The following HMGXB3 variants were observed in gnomAD, a reference collection of about 807,000 sequenced individuals.
HMGXB3 encodes the protein HMG domain-containing protein 3.
A neutral mutation model predicts 121.5 loss-of-function variants in HMGXB3; 45 were observed. The ratio of observed to expected loss-of-function variants is 0.37; its 90% confidence interval spans 0.29 to 0.47. The LOEUF is 0.47. Ranked by LOEUF, HMGXB3 falls within the 20% of genes least tolerant of loss-of-function variation. The pLI, the probability that HMGXB3 is intolerant of heterozygous loss-of-function variation, is 0.99. For missense variants in HMGXB3, 1,376 were observed against 1,602.2 expected (o/e 0.86, Z 2.41); for synonymous variants, 590 against 624.1 (o/e 0.95, Z 0.81).
At chr5:150,047,586 C>A (rs768706745) in intron 16 of HMGXB3, 38 bp from the exon 17 acceptor site, 23 of 1,549,808 alleles carry the variant, frequency 1.5e-5, no homozygotes, top group South Asian at 7.2e-5. Flanking sequence ...TGGTGACTGG[C>A]GGCAGCACCC....
chr5:150,028,497 A>G lies in HMGXB3; in HGVS notation c.1734+1380A>G, dbSNP rs1395403341. On this transcript the variant is annotated intron_variant, in intron 9 of 19. Coordinates refer to ENST00000502717, the MANE Select transcript of HMGXB3 (RefSeq NM_014983.3). ...GTGTTTGATATATATATGTATATAT[A>G]TGTATGTATGTGTGTGTGTGTGTGT... is the stretch of plus-strand genomic sequence containing the variant. Among the ~76,000 whole-genome samples, 30 of 66,456 alleles carry G rather than the reference A, an allele frequency of 4.5e-4. 1 individual carries two copies. Among genetic ancestry groups the G allele is most frequent in the Non-Finnish European group, 5.7e-4 (23 of 40,628 alleles). 43.6% of individuals were successfully genotyped at this position (66,456 alleles called of 152,430 possible).
At chr5:150,043,657 A>C (rs1295409084) in intron 15 of HMGXB3, among the ~76,000 whole-genome samples, 1 of 152,246 alleles carries the variant, frequency 6.6e-6, no homozygotes. Flanking sequence ...TGTTAATAAT[A>C]ATGCAGCTAA....
At chr5:150,037,039 C>T in intron 12 of HMGXB3, 102 bp downstream of exon 12, 1 of 1,073,988 alleles carries the variant, frequency 9.3e-7, no homozygotes. Flanking sequence ...AGATGTTATT[C>T]TCTGCCGTTT....
intron 9 of HMGXB3, among the ~76,000 whole-genome samples, chr5:150,028,853 C>G (rs1485394495): frequency 6.6e-6 from 1 of 151,956 alleles, no homozygotes; most frequent in East Asian, 1.9e-4. Flanking sequence ...GGATTACAGG[C>G]ATTAGCCACC....
chr5:150,018,584 C>T lies in HMGXB3; in HGVS notation c.928C>T (p.Arg310Trp), dbSNP rs1173522146. 4.5e-6 allele frequency: 7 copies of T among 1,548,876 alleles called. No individual in the cohort carries two copies. Among genetic ancestry groups the T allele is most frequent in the Non-Finnish European group, 6.1e-6 (7 of 1,145,806 alleles). Residue 310 changes from arginine to tryptophan, a missense_variant, in exon 6 of 20, where the codon CGG becomes TGG. Transcript: ENST00000502717. ...TTTACAGACCACTACATATACCCGC[C>T]GGGGCCATGGGACATGCACCAGCCC... is the stretch of plus-strand genomic sequence containing the variant. ...SIKLTTTYTR[R>W]GHGTCTSPGC... is the part of the protein sequence containing the mutation.
intron 17 of HMGXB3, 101 bp downstream of exon 17, chr5:150,047,858 T>G: frequency 7.5e-7 from 1 of 1,341,050 alleles, no homozygotes; most frequent in Non-Finnish European, 1.0e-6. Flanking sequence ...GCATCTGCCT[T>G]GGACACAAGG....
intron 15 of HMGXB3, among the ~76,000 whole-genome samples, chr5:150,044,830 T>A (rs546890711): frequency 6.6e-6 from 1 of 152,328 alleles, no homozygotes; most frequent in East Asian, 1.9e-4. Context: ...AAGAGGGCAT[T>A]GCAAGAAGAA....
intron 4 of HMGXB3, among the ~76,000 whole-genome samples, chr5:150,011,468 T>C (rs1561852673): frequency 6.6e-6 from 1 of 152,158 alleles, no homozygotes; most frequent in Non-Finnish European, 1.5e-5. Context: ...CTGTAGCCCT[T>C]ATGGCCTGGG....
chr5:150,039,612 T>C (rs1404615948), intron 13 of HMGXB3, among the ~76,000 whole-genome samples: 1 of 152,188 alleles, frequency 6.6e-6, no homozygotes, highest in Non-Finnish European at 1.5e-5. Context: ...AAATTTCTTT[T>C]GTGTTTTCAT....
Position 150,051,838 on chromosome 5 carries a change from A to G in HMGXB3, c.3525A>G (p.Ala1175=). ...CTGCCACGCGGCGCATCGTCCATGC[A>G]GGCCTACAGCCCAATCCTGGTGACC... The part of the protein sequence containing the change: ...TKTATRRIVH[A]GLQPNPGDPS... The change falls in exon 20 of 20, where the codon GCA becomes GCG. Residue 1175 remains alanine, a synonymous_variant. Coordinates refer to ENST00000502717, the MANE Select transcript of HMGXB3 (RefSeq NM_014983.3). The G allele has an allele frequency of 1.3e-6, 2 of 1,550,430 alleles. No homozygotes were observed. Among genetic ancestry groups the G allele is most frequent in the South Asian group, 2.4e-5 (2 of 84,070 alleles).
chr5:150,052,419 G>C lies in HMGXB3; in HGVS notation c.*227G>C. On this transcript the variant is annotated 3_prime_UTR_variant, in exon 20 of 20. Transcript: ENST00000502717. ...GTACCAGGAAACCTCTTCTGGCCCC[G>C]AGAGAGCACTTGGGGGACACGGTAT... The C allele has an allele frequency of 1.8e-6, 1 of 546,770 alleles. No individual in the cohort carries two copies. Among genetic ancestry groups the C allele is most frequent in the Non-Finnish European group, 3.3e-6 (1 of 305,624 alleles). The allele number at this position is 546,770 out of a possible 1,614,324, so 33.9% of individuals were successfully genotyped here. A position where few individuals can be genotyped will look rare whatever the true frequency, so the allele number is the denominator to read the frequency against.
chr5:150,052,343 C>G lies in HMGXB3; in HGVS notation c.*151C>G, dbSNP rs1756939142. ...GACCAAAGAGCTTCCATTCCCTGAG[C>G]ATGGTGGGACCCAGGGTCCTCAGTT... On this transcript the variant is annotated 3_prime_UTR_variant, in exon 20 of 20. Transcript: ENST00000502717. 1.5e-6 allele frequency: 1 copy of G among 651,080 alleles called. No individual in the cohort carries two copies. The highest frequency in any genetic ancestry group is 2.9e-5 in the Admixed American group (1 of 34,386). 40.3% of individuals were successfully genotyped at this position (651,080 alleles called of 1,614,324 possible). A position where few individuals can be genotyped will look rare whatever the true frequency, so the allele number is the denominator to read the frequency against.
intron 11 of HMGXB3, among the ~76,000 whole-genome samples, chr5:150,035,756 T>C (rs1561876794): frequency 6.6e-6 from 1 of 152,170 alleles, no homozygotes; most frequent in Non-Finnish European, 1.5e-5. Flanking sequence ...GAAGCTCCAT[T>C]GAAGAGAGAC....
chr5:150,010,197 C>G lies in HMGXB3; in HGVS notation c.399C>G (p.Ile133Met), dbSNP rs1755795151. ...TCCCACGCTCAGATTATATCATCAT[C>G]CCCAAGAGCAGCCTGCAGGAGGACC... ...KILPRSDYII[I>M]PKSSLQEDRS... The change falls in exon 4 of 20, where the codon ATC becomes ATG. Residue 133 changes from isoleucine to methionine, a missense_variant. By Grantham distance (10) the Ile-to-Met change is conservative. Around this residue, in one of 2 missense-constraint regions of HMGXB3, gnomAD observed 1,116 missense variants for 1,369.0 expected, o/e 0.82. Coordinates refer to ENST00000502717, the MANE Select transcript of HMGXB3 (RefSeq NM_014983.3). The G allele has an allele frequency of 6.4e-7, 1 of 1,551,682 alleles. No homozygotes were observed. Among genetic ancestry groups the G allele is most frequent in the African/African-American group, 1.4e-5 (1 of 73,016 alleles).
At chr5:150,016,636 G>T (rs1349242606) in intron 5 of HMGXB3, among the ~76,000 whole-genome samples, 1 of 152,100 alleles carries the variant, frequency 6.6e-6, no homozygotes, top group Non-Finnish European at 1.5e-5. Context: ...TCTACATAAA[G>T]TGTTTTTGTT....
intron 9 of HMGXB3, among the ~76,000 whole-genome samples, chr5:150,030,139 TTTC>T (rs1412953763): frequency 5.5e-5 from 5 of 91,146 alleles, no homozygotes; most frequent in African/African-American, 5.2e-4. Context: ...TTATCTTTTC[TTTC>T]TTTTTTTTAG....
Position 150,024,313 on chromosome 5 carries a change from G to A in HMGXB3, c.1093G>A (p.Gly365Ser), listed in dbSNP as rs1329554424. The A allele has an allele frequency of 6.4e-7, 1 of 1,550,936 alleles. No individual in the cohort carries two copies. Among genetic ancestry groups the A allele is most frequent in the Non-Finnish European group, 8.7e-7 (1 of 1,146,820 alleles). The change falls in exon 7 of 20, where the codon GGC (glycine) becomes AGC (serine). Residue 365 changes from glycine (G) to serine (S), a missense_variant. Around this residue, in one of 2 missense-constraint regions of HMGXB3, gnomAD observed 1,116 missense variants for 1,369.0 expected, o/e 0.82. Transcript: ENST00000502717. The stretch of plus-strand genomic sequence containing the variant: ...ATTGGCTTCTGGCGTCTCTTCCAAA[G>A]GCTCTGTGGTGAAAAGAAATCAGCA... ...VELASGVSSKGSVVKRNQQPV... is the reference protein window; with the variant it reads ...VELASGVSSKSSVVKRNQQPV...
Position 150,052,241 on chromosome 5 carries a change from C to T in HMGXB3, c.*49C>T, listed in dbSNP as rs1241760777. On this transcript the variant is annotated 3_prime_UTR_variant, in exon 20 of 20. Coordinates refer to ENST00000502717, the MANE Select transcript of HMGXB3 (RefSeq NM_014983.3). ...CACCATCTCTCAAGCCATAGTAAGG[C>T]CCTTGCCTGAGGCAGAGCTATCCAG... 1.3e-5 allele frequency: 19 copies of T among 1,417,420 alleles called. No individual in the cohort carries two copies. The highest frequency in any genetic ancestry group is 2.5e-5 in the East Asian group (1 of 40,048). 87.8% of individuals were successfully genotyped at this position (1,417,420 alleles called of 1,614,324 possible). A position where few individuals can be genotyped will look rare whatever the true frequency, so the allele number is the denominator to read the frequency against.
intron 13 of HMGXB3, among the ~76,000 whole-genome samples, chr5:150,039,802 T>C (rs1443788043): frequency 6.6e-5 from 10 of 152,250 alleles, no homozygotes; most frequent in Admixed American, 6.5e-4. Context: ...AGAGCTTTGC[T>C]CTCCCTTGTG....
Sources: allele counts gnomAD v4.1 joint callset (sites outside exome capture counted in the v4.1 genomes callset), GRCh38; gene constraint gnomAD v4.1.1; regional missense constraint gnomAD v4.1.1; transcripts MANE v1.5; gene names NCBI Gene and HGNC (gene_info 2026-07-23, HGNC 2026-07-21).